The following TRPM2 variants were observed in gnomAD, a reference collection of about 807,000 sequenced individuals.
The protein encoded by TRPM2 is estrogen-responsive element-associated gene 1 protein.
Under a neutral mutation model 174.0 loss-of-function variants are expected in TRPM2, and 161 were observed. The ratio of observed to expected loss-of-function variants is 0.93; its 90% CI spans 0.81 to 1.05. TRPM2 has a LOEUF of 1.05. Among genes scored for constraint, TRPM2 ranks in the 50% least tolerant of loss-of-function variants. The probability of loss-of-function intolerance (pLI) is 0.00; values close to 1 mark genes in which losing one functional copy is unlikely to be tolerated. For missense variants in TRPM2, 2,057 were observed against 2,038.0 expected, an observed-to-expected ratio of 1.01 and a Z score of -0.18; for synonymous variants, 954 against 861.3, an observed-to-expected ratio of 1.11 and a Z score of -1.88.
At position 44,418,533 on chromosome 21, in the gene TRPM2, A is replaced by C. The variant is rs762065482; in HGVS notation, c.3439A>C (p.Lys1147Gln). The part of the protein sequence containing the change: ...QFQQKQRPEQ[K>Q]IEDISNKVDA... ...CCAGCAAAAGCAGCGGCCCGAGCAG[A>C]AGATCGAGGACATCAGCAATAAGTA... The change falls in exon 22 of 32, where the codon AAG (lysine) becomes CAG (glutamine). Residue 1147 changes from lysine to glutamine, a missense_variant. Coordinates refer to ENST00000397928, the MANE Select transcript of TRPM2 (RefSeq NM_003307.4). The C allele has an allele frequency of 3.1e-6, 5 of 1,614,076 alleles. No individual in the cohort carries two copies. The Admixed American group carries it at 8.3e-5, about 27-fold the overall frequency.
rs974932050 is a variant in TRPM2 at position 44,426,685 on chromosome 21, C to T, written c.3821C>T (p.Pro1274Leu). 9.9e-6 allele frequency: 16 copies of T among 1,614,054 alleles called. No individual in the cohort carries two copies. Among genetic ancestry groups the T allele is most frequent in the Non-Finnish European group, 1.3e-5 (15 of 1,180,032 alleles). Residue 1274 changes from proline to leucine, a missense_variant, in exon 26 of 32, where the codon CCC (proline) becomes CTC (leucine). Pro to Leu is a moderately conservative substitution (Grantham distance 98). Transcript: ENST00000397928. ...ACGGAGTTCCTGATCTATGACCCAC[C>T]CTTTTACACGGCAGAGAGGAAGGAC... ...WETEFLIYDPPFYTAERKDAA... is the reference protein window; with the variant it reads ...WETEFLIYDPLFYTAERKDAA...
Position 44,426,771 on chromosome 21 carries a change from C to A in TRPM2, c.3872+35C>A, listed in dbSNP as rs759981138. 8 of 1,610,832 alleles carry A rather than the reference C, an allele frequency of 5.0e-6. No individual in the cohort carries two copies. The South Asian group carries it at 8.8e-5, about 18-fold the overall frequency. On this transcript the variant is annotated intron_variant, in intron 26 of 31. Transcript: ENST00000397928. ...AGCCGCTGTCCGTGCTCCCAGCTGGCCCCAAACCCAGGGCCTCCTAGGGGC... is the reference window on the plus strand; with the variant it reads ...AGCCGCTGTCCGTGCTCCCAGCTGGACCCAAACCCAGGGCCTCCTAGGGGC...
chr21:44,397,078 G>T (rs972862891), intron 12 of TRPM2, among the ~76,000 whole-genome samples: 1 of 149,810 alleles, frequency 6.7e-6, no homozygotes, highest in Admixed American at 6.7e-5. Flanking sequence ...TTGCTCTGTT[G>T]CCCAGGCTGG....
In TRPM2 at chr21:44,379,150, A is replaced by G. The variant is rs576257582; in HGVS notation, c.1168A>G (p.Met390Val). ...QQKLSVFFQE[M>V]FETFTESRIV... Reference sequence around the variant, plus strand: ...GAAACTGAGCGTGTTCTTCCAGGAGATGTTTGAGACCTTCACGGAAAGCAG... The same window carrying G: ...GAAACTGAGCGTGTTCTTCCAGGAGGTGTTTGAGACCTTCACGGAAAGCAG... The change falls in exon 8 of 32, where the codon ATG (methionine) becomes GTG (valine). Residue 390 changes from methionine (M) to valine (V), a missense_variant. Physicochemically the swap from Met to Val is conservative, Grantham distance 21. Transcript: ENST00000397928. 1 of 1,613,514 alleles carries G rather than the reference A, an allele frequency of 6.2e-7. No individual in the cohort carries two copies. The highest frequency in any genetic ancestry group is 2.2e-5 in the East Asian group (1 of 44,872).
chr21:44,364,918 TCTCA>T lies in TRPM2; in HGVS notation c.423+637_423+640del, dbSNP rs562560097. Among the ~76,000 whole-genome samples, 25 of 152,314 alleles carry T rather than the reference TCTCA, an allele frequency of 1.6e-4. No homozygotes were observed. The South Asian group carries it at 4.8e-3, about 29-fold the overall frequency. On this transcript the variant is annotated intron_variant, in intron 3 of 31. Transcript: ENST00000397928. Reference sequence around the variant, plus strand: ...CCTGGACCAGCCATCTCTGACCAATTCTCAGGCCCCATCCCAGGCCTGTGGAGTC... The same window carrying T: ...CCTGGACCAGCCATCTCTGACCAATTGGCCCCATCCCAGGCCTGTGGAGTC...
At chr21:44,428,133 T>C (rs73377612) in intron 27 of TRPM2, among the ~76,000 whole-genome samples, 22 of 152,302 alleles carry the variant, frequency 1.4e-4, no homozygotes, top group African/African-American at 5.3e-4. Context: ...TGTTGTGGAC[T>C]TGCGAATCAT....
At position 44,398,520 on chromosome 21, in the gene TRPM2, A is replaced by G. The variant is rs567402797; in HGVS notation, c.2062+644A>G. Among the ~76,000 whole-genome samples, 417 of 152,016 alleles carry G rather than the reference A, an allele frequency of 2.7e-3. 5 individuals carry two copies. The highest frequency in any genetic ancestry group is 9.8e-3 in the African/African-American group (405 of 41,424). On this transcript the variant is annotated intron_variant, in intron 13 of 31. Transcript: ENST00000397928. The stretch of plus-strand genomic sequence containing the variant: ...CTGGTGAGACTGGGGTTTTTTAAGG[A>G]TAATTTGGTGGGTAGGGGGCCAGGC...
chr21:44,394,371 G>A (rs2146252409), intron 11 of TRPM2, among the ~76,000 whole-genome samples: 1 of 145,080 alleles, frequency 6.9e-6, no homozygotes, highest in African/African-American at 2.6e-5. Flanking sequence ...CCAGGCTGGA[G>A]TGTAGTGGCG....
In TRPM2 at chr21:44,418,741, A is replaced by T. The variant is rs558179612; in HGVS notation, c.3461+186A>T. ...GGCCTGTGCCCACAGCTGACCCAGGACCCTCTGCGGTCCTTAGGAAGGCTG... is the reference window on the plus strand; with the variant it reads ...GGCCTGTGCCCACAGCTGACCCAGGTCCCTCTGCGGTCCTTAGGAAGGCTG... On this transcript the variant is annotated intron_variant, in intron 22 of 31. Coordinates refer to ENST00000397928, the MANE Select transcript of TRPM2 (RefSeq NM_003307.4). Among the ~76,000 whole-genome samples, 139 of 152,120 alleles carry T rather than the reference A, an allele frequency of 9.1e-4. 1 individual carries two copies. Among genetic ancestry groups the T allele is most frequent in the African/African-American group, 3.3e-3 (136 of 41,502 alleles).
chr21:44,399,752 C>T lies in TRPM2; in HGVS notation c.2208+311C>T, dbSNP rs2049551175. Among the ~76,000 whole-genome samples, 1 of 152,190 alleles carries T rather than the reference C, an allele frequency of 6.6e-6. No individual in the cohort carries two copies. The highest frequency in any genetic ancestry group is 6.5e-5 in the Admixed American group (1 of 15,286). On this transcript the variant is annotated intron_variant, in intron 14 of 31. Transcript: ENST00000397928. This position sits in a 1 kb window ranked among gnomAD's most constrained non-coding sequence, Gnocchi z 4.6. ...TGGCTCTGGGAACGGCGTCTGCCCT[C>T]TCTCCCTGGAGGGATAAGCGGGACA...
rs1241632974 is a variant in TRPM2, at chr21:44,391,882, C to T, written c.1794+257C>T. Among the ~76,000 whole-genome samples the T allele has an allele frequency of 6.6e-6, 1 of 152,228 alleles. No homozygotes were observed. Among genetic ancestry groups the T allele is most frequent in the Non-Finnish European group, 1.5e-5 (1 of 68,040 alleles). ...GGCTTCTGGCCAGGGCCTCTTCTTG[C>T]TTGCACGTGGCTGCCCTCTTGCTGT... On this transcript the variant is annotated intron_variant, in intron 11 of 31. Transcript: ENST00000397928. The surrounding 1 kb of genome is among the most constrained non-coding windows in gnomAD (Gnocchi z 5.0).
At chr21:44,410,323 A>G (rs2050061824) in intron 19 of TRPM2, among the ~76,000 whole-genome samples, 1 of 66,094 alleles carries the variant, frequency 1.5e-5, no homozygotes, top group African/African-American at 4.8e-5. Context: ...GCCTTGTAGT[A>G]AGTTTTGACC....
At chr21:44,404,403 A>G (rs1408121211) in intron 16 of TRPM2, among the ~76,000 whole-genome samples, 2 of 152,090 alleles carry the variant, frequency 1.3e-5, no homozygotes, top group East Asian at 3.8e-4. Context: ...GTGCACACAT[A>G]CATATTCACA....
In TRPM2 at chr21:44,399,305, C is replaced by T. The variant is rs377151718; in HGVS notation, c.2072C>T (p.Thr691Ile). ...TCATATCTCCGCCCAGGGGTCTTCA[C>T]CGAGTGCTACCGGAAGGACGAAGAG... ...EYEHRAIGVFTECYRKDEERA... is the reference protein window; with the variant it reads ...EYEHRAIGVFIECYRKDEERA... Residue 691 changes from threonine (T) to isoleucine (I), a missense_variant, in exon 14 of 32, where the codon ACC becomes ATC. Coordinates refer to ENST00000397928, the MANE Select transcript of TRPM2 (RefSeq NM_003307.4). This position sits in a 1 kb window ranked among gnomAD's most constrained non-coding sequence, Gnocchi z 4.6. 24 of 1,612,346 alleles carry T rather than the reference C, an allele frequency of 1.5e-5. No individual in the cohort carries two copies. The highest frequency in any genetic ancestry group is 2.0e-5 in the Non-Finnish European group (24 of 1,179,716).
chr21:44,389,515 C>T (rs1386029074), intron 9 of TRPM2, among the ~76,000 whole-genome samples: 1 of 152,134 alleles, frequency 6.6e-6, no homozygotes, highest in Non-Finnish European at 1.5e-5. Context: ...TGTGTGCTGG[C>T]AGTGGATGAG....
chr21:44,357,446 A>G (rs1044264575), intron 2 of TRPM2, among the ~76,000 whole-genome samples: 4 of 152,202 alleles, frequency 2.6e-5, no homozygotes, highest in Non-Finnish European at 4.4e-5. Context: ...AAGGTTTATC[A>G]TGGTGAAGGC....
Position 44,401,678 on chromosome 21 carries a change from C to A in TRPM2, c.2322-3C>A, listed in dbSNP as rs775308423. On this transcript the variant is annotated splice_polypyrimidine_tract_variant and splice_region_variant and intron_variant, in intron 15 of 31. Coordinates refer to ENST00000397928, the MANE Select transcript of TRPM2 (RefSeq NM_003307.4). ...TGTCTCCTCTCTGCTGTGACGGCCG[C>A]AGGGAGAAGAGGCTGCAGGATGTGG... 6.2e-7 allele frequency: 1 copy of A among 1,612,182 alleles called. No individual in the cohort carries two copies. Among genetic ancestry groups the A allele is most frequent in the South Asian group, 1.1e-5 (1 of 91,074 alleles).
intron 24 of TRPM2, 40 bp downstream of exon 24, chr21:44,424,979 C>A: frequency 6.5e-7 from 1 of 1,546,158 alleles, no homozygotes. Context: ...CTCCAGCCGC[C>A]TGTTTCTTTT....
chr21:44,429,371 TCTGCCTCCTGGGTTCAAGCAATTCTC>T (rs1291247754), intron 27 of TRPM2, among the ~76,000 whole-genome samples: 5 of 134,818 alleles, frequency 3.7e-5, no homozygotes, highest in Non-Finnish European at 7.8e-5. Flanking sequence ...CACTACAACC[TCTGCCTCCTGGGTTCAAGCAATTCTC>T]CTGCCTCAGC....
Sources: allele counts gnomAD v4.1 joint callset (sites outside exome capture counted in the v4.1 genomes callset), GRCh38; gene constraint gnomAD v4.1.1; non-coding constraint Gnocchi (gnomAD v3.1); transcripts MANE v1.5; gene names NCBI Gene and HGNC (gene_info 2026-07-23, HGNC 2026-07-21).